FAF1: variants seen among roughly 807,000 people sequenced by gnomAD.
FAF1 encodes the protein Fas associated factor 1.
A neutral mutation model predicts 92.5 loss-of-function variants in FAF1; 25 were observed. The observed-to-expected ratio is 0.27, with a 90% CI of 0.20 to 0.38. FAF1 has a LOEUF of 0.38. Ranked by LOEUF, FAF1 falls within the 10% of genes least tolerant of loss-of-function variation. FAF1 has a pLI of 1.00. For missense variants in FAF1, 636 were observed against 793.3 expected (o/e 0.80, Z 2.38); for synonymous variants, 234 against 273.2 (o/e 0.86, Z 1.42).
chr1:50,902,203 A>G (rs1264163744), intron 1 of FAF1, among the ~76,000 whole-genome samples: 1 of 152,196 alleles, frequency 6.6e-6, no homozygotes, highest in Admixed American at 6.5e-5. Context: ...GGATTTTTTA[A>G]AACTATTCCA....
rs537183371 is a variant in FAF1 at position 50,541,479 on chromosome 1, G to T, written c.1269-1751C>A. Among the ~76,000 whole-genome samples the T allele has an allele frequency of 2.6e-5, 4 of 152,202 alleles. No homozygotes were observed. In the South Asian group the frequency reaches 8.3e-4, roughly 32 times the overall value. ...TCATCGATAGGGATGTATAGATCGTGAGATTAGAAAATTAGGATCTTTTTG... is the reference window on the plus strand; with the variant it reads ...TCATCGATAGGGATGTATAGATCGTTAGATTAGAAAATTAGGATCTTTTTG... On this transcript the variant is annotated intron_variant, in intron 13 of 18. Transcript: ENST00000396153.
At chr1:50,470,777 G>A (rs935245873) in intron 18 of FAF1, 8 of 152,202 alleles carry the variant, frequency 5.3e-5, no homozygotes, top group Non-Finnish European at 1.2e-4. Flanking sequence ...GTTGTCCAAT[G>A]TTCAGTATGA....
At chr1:50,761,692 A>C (rs1395721260) in intron 4 of FAF1, among the ~76,000 whole-genome samples, 1 of 152,226 alleles carries the variant, frequency 6.6e-6, no homozygotes. Context: ...CGTATCTCAA[A>C]ATAGTAAGAG....
chr1:50,796,047 AAAC>A (rs940853916), intron 3 of FAF1, among the ~76,000 whole-genome samples: 2 of 152,106 alleles, frequency 1.3e-5, no homozygotes, highest in African/African-American at 4.8e-5. Flanking sequence ...CCAGGTAAAA[AAAC>A]AACAACAACA....
intron 1 of FAF1, among the ~76,000 whole-genome samples, chr1:50,894,142 T>C (rs987125378): frequency 2.0e-5 from 3 of 151,596 alleles, no homozygotes; most frequent in Admixed American, 6.6e-5. Flanking sequence ...CTACTAAAAA[T>C]ATAAAAATTA....
chr1:50,744,392 A>G (rs1377089730), intron 5 of FAF1, among the ~76,000 whole-genome samples: 1 of 152,212 alleles, frequency 6.6e-6, no homozygotes, highest in East Asian at 1.9e-4. Context: ...GAGGTTTGAG[A>G]AAAAGGTAAA....
intron 2 of FAF1, among the ~76,000 whole-genome samples, chr1:50,850,162 T>C (rs1351759883): frequency 6.8e-6 from 1 of 146,778 alleles, no homozygotes; most frequent in Non-Finnish European, 1.5e-5. Flanking sequence ...CAACAAGAAA[T>C]AGAGGAAAAC....
intron 4 of FAF1, among the ~76,000 whole-genome samples, chr1:50,748,223 T>C (rs1387965854): frequency 6.6e-6 from 1 of 152,036 alleles, no homozygotes; most frequent in African/African-American, 2.4e-5. Context: ...ATGCCAGGCG[T>C]GGTGGCTCAT....
In FAF1 at chr1:50,702,381, A is replaced by G. The variant is rs117088790; in HGVS notation, c.657+3405T>C. Among the ~76,000 whole-genome samples the G allele has an allele frequency of 5.0e-4, 76 of 152,222 alleles. No homozygotes were observed. In the East Asian group the frequency reaches 0.014, roughly 29 times the overall value. On this transcript the variant is annotated intron_variant, in intron 7 of 18. Transcript: ENST00000396153. Reference sequence around the variant, plus strand: ...AAATAAGGTAAGCCTGTTTAAATTTAAGGAAACTCACAATTTTAAAGTGTG... The same window carrying G: ...AAATAAGGTAAGCCTGTTTAAATTTGAGGAAACTCACAATTTTAAAGTGTG...
At chr1:50,524,143 C>T (rs1481951792) in intron 15 of FAF1, among the ~76,000 whole-genome samples, 6 of 151,886 alleles carry the variant, frequency 4.0e-5, no homozygotes, top group Admixed American at 3.9e-4. Flanking sequence ...TCTCTAATGA[C>T]CTGTGATGCT....
At chr1:50,524,082 G>C (rs1647659105) in intron 15 of FAF1, among the ~76,000 whole-genome samples, 1 of 151,212 alleles carries the variant, frequency 6.6e-6, no homozygotes, top group Non-Finnish European at 1.5e-5. Context: ...TTTAATAATA[G>C]CCCTTCTGAC....
intron 1 of FAF1, among the ~76,000 whole-genome samples, chr1:50,865,492 G>T (rs1338248277): frequency 6.9e-6 from 1 of 144,278 alleles, no homozygotes; most frequent in Admixed American, 7.0e-5. Context: ...TATACACCGT[G>T]GAATACTATG....
intron 3 of FAF1, among the ~76,000 whole-genome samples, chr1:50,801,082 C>T (rs927899857): frequency 4.6e-5 from 7 of 152,172 alleles, no homozygotes; most frequent in African/African-American, 1.7e-4. Context: ...CCAGTTTTAC[C>T]TTCTGGCCAT....
intron 18 of FAF1, among the ~76,000 whole-genome samples, chr1:50,468,089 G>A (rs1445014198): frequency 6.6e-6 from 1 of 151,924 alleles, no homozygotes; most frequent in African/African-American, 2.4e-5. Flanking sequence ...TGCACCTGTG[G>A]TCCCAGCTAC....
intron 3 of FAF1, among the ~76,000 whole-genome samples, chr1:50,799,765 G>T (rs1424075344): frequency 1.3e-5 from 2 of 152,008 alleles, no homozygotes; most frequent in Admixed American, 1.3e-4. Context: ...GCATATATTC[G>T]ACTTTATTAT....
At chr1:50,763,041 G>T (rs983642238) in intron 4 of FAF1, among the ~76,000 whole-genome samples, 1 of 152,108 alleles carries the variant, frequency 6.6e-6, no homozygotes, top group Non-Finnish European at 1.5e-5. Context: ...GATCACCTGA[G>T]GTCAGGAGTT....
chr1:50,499,356 C>T (rs1320057445), intron 15 of FAF1, among the ~76,000 whole-genome samples: 1 of 144,076 alleles, frequency 6.9e-6, no homozygotes, highest in Non-Finnish European at 1.5e-5. Context: ...AAGATGTTAG[C>T]TGTAGGGTTT....
intron 8 of FAF1, among the ~76,000 whole-genome samples, chr1:50,605,019 A>AT (rs1652311251): frequency 6.6e-6 from 1 of 152,058 alleles, no homozygotes; most frequent in Non-Finnish European, 1.5e-5. Flanking sequence ...ACCTGATGCT[A>AT]TTTTCCACAT....
At chr1:50,453,627 G>A (rs1363659947) in intron 18 of FAF1, among the ~76,000 whole-genome samples, 1 of 152,194 alleles carries the variant, frequency 6.6e-6, no homozygotes, top group African/African-American at 2.4e-5. Context: ...AACAGAGCAC[G>A]TGTTTTCTTT....
Sources: allele counts gnomAD v4.1 joint callset (sites outside exome capture counted in the v4.1 genomes callset), GRCh38; gene constraint gnomAD v4.1.1; transcripts MANE v1.5; gene names NCBI Gene and HGNC (gene_info 2026-07-23, HGNC 2026-07-21).